ZEB1: variants seen among roughly 807,000 people sequenced by gnomAD.
The protein encoded by ZEB1 is zinc finger E-box-binding homeobox 1.
Under a neutral mutation model 84.9 loss-of-function variants are expected in ZEB1, and 21 were observed. The observed-to-expected ratio is 0.25, with a 90% CI of 0.18 to 0.36. The LOEUF (loss-of-function observed/expected upper bound fraction) is 0.36. Among genes scored for constraint, ZEB1 ranks in the 10% least tolerant of loss-of-function variants. ZEB1 has a pLI of 1.00. For synonymous variants in ZEB1, 420 were observed against 471.1 expected, an observed-to-expected ratio of 0.89 and a Z score of 1.41; for missense variants, 1,104 against 1,330.2, an observed-to-expected ratio of 0.83 and a Z score of 2.65.
chr10:31,333,213 G>A (rs1019057562), intron 1 of ZEB1, among the ~76,000 whole-genome samples: 1 of 152,228 alleles, frequency 6.6e-6, no homozygotes, highest in South Asian at 2.1e-4. Context: ...AGGTTTCACA[G>A]CAACACTCCC....
intron 1 of ZEB1, chr10:31,363,712 A>G: frequency 1.7e-6 from 2 of 1,208,492 alleles, no homozygotes; most frequent in East Asian, 5.1e-5. Flanking sequence ...TCCAAACATT[A>G]TGGAGTTGTG....
chr10:31,380,535 G>A (rs1007656284), intron 1 of ZEB1, among the ~76,000 whole-genome samples: 1 of 151,772 alleles, frequency 6.6e-6, no homozygotes, highest in Non-Finnish European at 1.5e-5. Context: ...CTTTCCTCCC[G>A]TGGGAAAAGT....
chr10:31,379,132 T>C (rs2047191294), intron 1 of ZEB1, among the ~76,000 whole-genome samples: 2 of 151,700 alleles, frequency 1.3e-5, no homozygotes, highest in African/African-American at 4.8e-5. Flanking sequence ...GAGAGGGGAG[T>C]ATCAGTTAGT....
chr10:31,382,803 ATTG>A (rs1288774156), intron 1 of ZEB1, among the ~76,000 whole-genome samples: 2 of 152,278 alleles, frequency 1.3e-5, no homozygotes, highest in African/African-American at 2.4e-5. Context: ...TAAGTTATAT[ATTG>A]TTGTAAATAT....
At chr10:31,319,458 C>G (rs2033094797) in intron 1 of ZEB1, 166 bp downstream of exon 1, 1 of 672,042 alleles carries the variant, frequency 1.5e-6, no homozygotes, top group Non-Finnish European at 2.5e-6. Flanking sequence ...TCCGCTGCCG[C>G]CGCTGCCGGA....
chr10:31,521,280 C>G lies in ZEB1; in HGVS notation c.1948C>G (p.Pro650Ala), dbSNP rs781750314. 3.3e-5 allele frequency: 54 copies of G among 1,613,906 alleles called. No homozygotes were observed. Among genetic ancestry groups the G allele is most frequent in the Non-Finnish European group, 4.3e-5 (51 of 1,180,016 alleles). ...VQSSEPSSPEPGKVNIPAKNN... is the reference protein window; with the variant it reads ...VQSSEPSSPEAGKVNIPAKNN... Reference sequence around the variant, plus strand: ...GTCTTCTGAACCATCTTCTCCTGAACCAGGCAAAGTAAATATCCCTGCCAA... The same window carrying G: ...GTCTTCTGAACCATCTTCTCCTGAAGCAGGCAAAGTAAATATCCCTGCCAA... The change falls in exon 7 of 9, where the codon CCA (proline) becomes GCA (alanine). Residue 650 changes from proline (P) to alanine (A), a missense_variant. Transcript: ENST00000424869.
At chr10:31,320,551 TTTA>T (rs1273582711) in intron 1 of ZEB1, 1 of 151,830 alleles carries the variant, frequency 6.6e-6, no homozygotes, top group Admixed American at 6.6e-5. Flanking sequence ...AGCTGCAGTG[TTTA>T]TTGATTTGTG....
intron 1 of ZEB1, among the ~76,000 whole-genome samples, chr10:31,431,410 A>G (rs759519133): frequency 6.6e-5 from 10 of 152,248 alleles, no homozygotes; most frequent in Non-Finnish European, 1.3e-4. Context: ...TCTCTATTGT[A>G]TGAGGAGTAA....
At chr10:31,435,527 G>A (rs1591231820) in intron 1 of ZEB1, among the ~76,000 whole-genome samples, 1 of 152,132 alleles carries the variant, frequency 6.6e-6, no homozygotes, top group Admixed American at 6.6e-5. Flanking sequence ...AAAGCATGTT[G>A]GTTTAGGTGA....
intron 1 of ZEB1, among the ~76,000 whole-genome samples, chr10:31,418,912 G>T (rs2055670543): frequency 1.3e-5 from 2 of 152,036 alleles, no homozygotes; most frequent in South Asian, 4.1e-4. Flanking sequence ...CAGATTTTCA[G>T]ACTAGGGATG....
intron 1 of ZEB1, among the ~76,000 whole-genome samples, chr10:31,382,093 C>T (rs1441669900): frequency 6.6e-6 from 1 of 151,514 alleles, no homozygotes; most frequent in Non-Finnish European, 1.5e-5. Flanking sequence ...GAGACATGGC[C>T]TGGATCCCGT....
At chr10:31,376,129 T>C (rs1042380095) in intron 1 of ZEB1, among the ~76,000 whole-genome samples, 2 of 151,794 alleles carry the variant, frequency 1.3e-5, no homozygotes, top group African/African-American at 4.8e-5. Flanking sequence ...ATTCAGTATA[T>C]TCTTACCAAC....
intron 1 of ZEB1, among the ~76,000 whole-genome samples, chr10:31,431,507 A>G (rs1201317240): frequency 1.3e-5 from 2 of 152,224 alleles, no homozygotes; most frequent in Non-Finnish European, 2.9e-5. Flanking sequence ...TAAAAATCTC[A>G]GAAGCATAAA....
intron 1 of ZEB1, among the ~76,000 whole-genome samples, chr10:31,434,510 G>A (rs2136318793): frequency 6.6e-6 from 1 of 152,198 alleles, no homozygotes; most frequent in East Asian, 1.9e-4. Flanking sequence ...ACCCTTTATT[G>A]ACACATTATC....
intron 1 of ZEB1, chr10:31,321,521 G>C (rs369265283): frequency 6.2e-7 from 1 of 1,613,968 alleles, no homozygotes; most frequent in South Asian, 1.1e-5. Flanking sequence ...TGCTGATGTG[G>C]CTTTATGAAA....
intron 1 of ZEB1, among the ~76,000 whole-genome samples, chr10:31,412,013 C>G (rs759579963): frequency 6.6e-6 from 1 of 152,016 alleles, no homozygotes; most frequent in Non-Finnish European, 1.5e-5. Flanking sequence ...TTTAAACCAC[C>G]TGATATAGAC....
intron 1 of ZEB1, among the ~76,000 whole-genome samples, chr10:31,422,617 A>G (rs1365192456): frequency 6.6e-6 from 1 of 152,182 alleles, no homozygotes; most frequent in East Asian, 1.9e-4. Context: ...CATAGCTTTC[A>G]TATCAGAAAT....
At chr10:31,467,472 C>A (rs377375790) in intron 2 of ZEB1, among the ~76,000 whole-genome samples, 2 of 152,180 alleles carry the variant, frequency 1.3e-5, no homozygotes, top group Admixed American at 1.3e-4. Flanking sequence ...AAACCACACA[C>A]GACCATGCCT....
chr10:31,398,377 A>T (rs1481125030), intron 1 of ZEB1, among the ~76,000 whole-genome samples: 3 of 152,134 alleles, frequency 2.0e-5, no homozygotes, highest in Non-Finnish European at 2.9e-5. Context: ...TTTTGGATAA[A>T]TATTGAAATT....
Sources: allele counts gnomAD v4.1 joint callset (sites outside exome capture counted in the v4.1 genomes callset), GRCh38; gene constraint gnomAD v4.1.1; transcripts MANE v1.5; gene names NCBI Gene and HGNC (gene_info 2026-07-23, HGNC 2026-07-21).